Variants in DOK6 observed in about 807,000 individuals in gnomAD.
DOK6 encodes docking protein 6.
DOK6 carries 22 observed loss-of-function variants against 44.0 expected under a neutral mutation model. The observed-to-expected ratio is 0.50, with a 90% CI of 0.36 to 0.71. The LOEUF (loss-of-function observed/expected upper bound fraction) is 0.71. Ranked by LOEUF, DOK6 falls within the 30% of genes least tolerant of loss-of-function variation. DOK6 has a pLI of 0.00. For missense variants in DOK6, 340 were observed against 416.4 expected (o/e 0.82, Z 1.60); for synonymous variants, 166 against 145.5 (o/e 1.14, Z -1.01).
At chr18:69,538,486 G>T (rs908492316) in intron 1 of DOK6, among the ~76,000 whole-genome samples, 1 of 151,904 alleles carries the variant, frequency 6.6e-6, no homozygotes, top group South Asian at 2.1e-4. Context: ...GGGCTCAAGC[G>T]ATCCTCTACC....
At chr18:69,667,836 C>A (rs1985698356) in intron 3 of DOK6, among the ~76,000 whole-genome samples, 1 of 152,054 alleles carries the variant, frequency 6.6e-6, no homozygotes, top group African/African-American at 2.4e-5. Flanking sequence ...TCATTTAGTT[C>A]CGTGACTTTA....
intron 7 of DOK6, among the ~76,000 whole-genome samples, chr18:69,820,555 G>T (rs972398490): frequency 4.6e-5 from 7 of 152,074 alleles, no homozygotes; most frequent in African/African-American, 1.7e-4. Flanking sequence ...TTCCCATCCG[G>T]AAACTTAACG....
chr18:69,816,956 T>G (rs1311917078), intron 7 of DOK6, among the ~76,000 whole-genome samples: 1 of 152,214 alleles, frequency 6.6e-6, no homozygotes, highest in African/African-American at 2.4e-5. Flanking sequence ...CAGTCTGTAT[T>G]TGGTGCTTCA....
At chr18:69,621,625 A>G (rs1984440924) in intron 3 of DOK6, among the ~76,000 whole-genome samples, 1 of 152,152 alleles carries the variant, frequency 6.6e-6, no homozygotes, top group Admixed American at 6.6e-5. Context: ...AATTGAAAAG[A>G]TCATGGGATT....
At chr18:69,410,209 A>C (rs932369018) in intron 1 of DOK6, among the ~76,000 whole-genome samples, 2 of 152,236 alleles carry the variant, frequency 1.3e-5, no homozygotes, top group Non-Finnish European at 2.9e-5. Flanking sequence ...TATCTATATT[A>C]CCTATCCCTT....
chr18:69,606,830 C>A (rs1321351976), intron 3 of DOK6, among the ~76,000 whole-genome samples: 2 of 144,534 alleles, frequency 1.4e-5, no homozygotes, highest in African/African-American at 2.6e-5. Flanking sequence ...GTGGCGCAAT[C>A]TCGGCCCACT....
At chr18:69,498,441 AT>A (rs1449853783) in intron 1 of DOK6, among the ~76,000 whole-genome samples, 3 of 152,094 alleles carry the variant, frequency 2.0e-5, no homozygotes, top group African/African-American at 4.8e-5. Flanking sequence ...GGCCATTCTT[AT>A]TTTTTATGCA....
At chr18:69,447,308 G>C (rs1979323739) in intron 1 of DOK6, among the ~76,000 whole-genome samples, 1 of 152,130 alleles carries the variant, frequency 6.6e-6, no homozygotes, top group Non-Finnish European at 1.5e-5. Flanking sequence ...TTATTAAATA[G>C]GGAATCCTTT....
At chr18:69,408,962 C>T (rs377481872) in intron 1 of DOK6, among the ~76,000 whole-genome samples, 1 of 152,210 alleles carries the variant, frequency 6.6e-6, no homozygotes, top group Admixed American at 6.5e-5. Flanking sequence ...ATGTATTACA[C>T]GTTGATGTGG....
chr18:69,549,853 G>A (rs572989487), intron 1 of DOK6, among the ~76,000 whole-genome samples: 8 of 139,774 alleles, frequency 5.7e-5, no homozygotes, highest in South Asian at 4.8e-4. Context: ...CTAAGAAAAC[G>A]TGGGGAAGAG....
intron 3 of DOK6, among the ~76,000 whole-genome samples, chr18:69,648,781 T>A (rs1031525045): frequency 3.9e-5 from 6 of 152,210 alleles, no homozygotes; most frequent in African/African-American, 1.4e-4. Context: ...CCTGTTCCCA[T>A]CAGCAATAAA....
intron 7 of DOK6, among the ~76,000 whole-genome samples, chr18:69,778,823 C>A (rs948194025): frequency 5.3e-5 from 8 of 152,058 alleles, no homozygotes; most frequent in African/African-American, 1.9e-4. Flanking sequence ...ATTGTGACTG[C>A]TAACTTCTGA....
intron 5 of DOK6, among the ~76,000 whole-genome samples, chr18:69,705,793 A>G (rs1986619404): frequency 6.6e-6 from 1 of 152,124 alleles, no homozygotes; most frequent in South Asian, 2.1e-4. Flanking sequence ...CTTTCTTTTT[A>G]GTACCATATC....
chr18:69,782,166 GT>G (rs1415542209), intron 7 of DOK6, among the ~76,000 whole-genome samples: 2 of 150,726 alleles, frequency 1.3e-5, no homozygotes, highest in Non-Finnish European at 1.5e-5. Context: ...AGTGACCAGA[GT>G]TTTTTAAATC....
intron 3 of DOK6, among the ~76,000 whole-genome samples, chr18:69,641,785 A>G (rs1984947540): frequency 6.6e-6 from 1 of 152,200 alleles, no homozygotes; most frequent in Non-Finnish European, 1.5e-5. Context: ...CAAACATCCA[A>G]CTGCTACCAC....
intron 1 of DOK6, among the ~76,000 whole-genome samples, chr18:69,557,214 C>T (rs1231274004): frequency 6.6e-6 from 1 of 152,174 alleles, no homozygotes; most frequent in East Asian, 1.9e-4. Context: ...GCAATTGACT[C>T]TCAGGTTTGA....
chr18:69,719,725 A>T (rs761207491), intron 5 of DOK6, among the ~76,000 whole-genome samples: 5 of 152,206 alleles, frequency 3.3e-5, no homozygotes, highest in Non-Finnish European at 5.9e-5. Context: ...TTGCTCCCAT[A>T]GTTATTTTGG....
chr18:69,555,420 G>T (rs1264006421), intron 1 of DOK6, among the ~76,000 whole-genome samples: 1 of 152,130 alleles, frequency 6.6e-6, no homozygotes, highest in East Asian at 1.9e-4. Flanking sequence ...CTGATTTTGG[G>T]ATATCATATC....
At chr18:69,406,044 C>A (rs989233870) in intron 1 of DOK6, among the ~76,000 whole-genome samples, 1 of 152,190 alleles carries the variant, frequency 6.6e-6, no homozygotes, top group Non-Finnish European at 1.5e-5. Flanking sequence ...TAGCAGATGA[C>A]AATTTCAATT....
Sources: gnomAD v4.1 joint callset for allele counts (sites outside exome capture counted in the v4.1 genomes callset) on GRCh38, gnomAD v4.1.1 for gene constraint, MANE v1.5 for transcripts, NCBI Gene and HGNC (gene_info 2026-07-23, HGNC 2026-07-21) for gene names.